The following CPLANE1 variants were observed in gnomAD, a reference collection of about 807,000 sequenced individuals.
CPLANE1 encodes ciliogenesis and planar polarity effector complex subunit 1.
A neutral mutation model predicts 362.5 loss-of-function variants in CPLANE1; 263 were observed. The ratio of observed to expected loss-of-function variants is 0.73; its 90% CI spans 0.66 to 0.80. The LOEUF is 0.80. Ranked by LOEUF, CPLANE1 falls within the 30% of genes least tolerant of loss-of-function variation. CPLANE1 has a pLI of 0.00. For missense variants in CPLANE1, 3,461 were observed against 3,793.4 expected, an observed-to-expected ratio of 0.91 and a Z score of 2.30; for synonymous variants, 1,212 against 1,302.6, an observed-to-expected ratio of 0.93 and a Z score of 1.50.
chr5:37,145,918 T>C (rs1238687315), intron 43 of CPLANE1, among the ~76,000 whole-genome samples: 1 of 152,106 alleles, frequency 6.6e-6, no homozygotes, highest in Non-Finnish European at 1.5e-5. Context: ...AAATACAACA[T>C]AATCAAACAG....
At chr5:37,214,713 A>C (rs1793557749) in intron 15 of CPLANE1, among the ~76,000 whole-genome samples, 1 of 152,254 alleles carries the variant, frequency 6.6e-6, no homozygotes, top group Admixed American at 6.5e-5. Context: ...TCATCTCTGC[A>C]TGAGCAGTTC....
Position 37,169,303 on chromosome 5 carries a change from A to G in CPLANE1, c.6721T>C (p.Leu2241=). The G allele has an allele frequency of 6.2e-7, 1 of 1,614,192 alleles. No individual in the cohort carries two copies. Residue 2241 remains leucine (L), a synonymous_variant, in exon 34 of 53, where the codon TTA becomes CTA. Transcript: ENST00000651892. ...KSKQEFQPLF[L]HTGSIPQVPF... Reference sequence around the variant, plus strand: ...ACTTGTGGAATACTTCCTGTATGTAAGAAAAGGGGCTGGAATTCTTGTTTA... The same window carrying G: ...ACTTGTGGAATACTTCCTGTATGTAGGAAAAGGGGCTGGAATTCTTGTTTA...
the CPLANE1 span, among the ~76,000 whole-genome samples, chr5:37,080,461 CATA>C: frequency 2.6e-5 from 4 of 152,280 alleles, no homozygotes; most frequent in East Asian, 7.7e-4. Flanking sequence ...AACACTTTTT[CATA>C]ATAACTCAAA....
At chr5:37,164,189 G>T in intron 37 of CPLANE1, 84 bp downstream of exon 37, 1 of 1,026,120 alleles carries the variant, frequency 9.7e-7, no homozygotes, top group South Asian at 1.4e-5. Context: ...AATGTAGGTA[G>T]CCTCATTTTC....
Position 37,108,482 on chromosome 5 carries a change from A to G in CPLANE1, c.9401-11T>C. The G allele has an allele frequency of 6.2e-7, 1 of 1,606,040 alleles. No homozygotes were observed. The highest frequency in any genetic ancestry group is 8.5e-7 in the Non-Finnish European group (1 of 1,177,134). ...ACGGAGCATTAGAGCCTTTTAAGGG[A>G]TAAGAACAAAGCACACATTGGGATT... On this transcript the variant is annotated splice_polypyrimidine_tract_variant and intron_variant, in intron 51 of 52. Transcript: ENST00000651892.
rs1280410795 is a variant in CPLANE1 at position 37,245,706 on chromosome 5, T to C, written c.217+4A>G. On this transcript the variant is annotated splice_donor_region_variant and intron_variant, in intron 3 of 52. Coordinates refer to ENST00000651892, the MANE Select transcript of CPLANE1 (RefSeq NM_001384732.1). ...GCCATTTGAAAATATCAGTACTACT[T>C]AACCATTACTGGATGTTGTTAGGAC... 7 of 1,506,766 alleles carry C rather than the reference T, an allele frequency of 4.6e-6. No individual in the cohort carries two copies. The highest frequency in any genetic ancestry group is 5.3e-6 in the Non-Finnish European group (6 of 1,130,058). The allele number at this position is 1,506,766 out of a possible 1,614,324, so 93.3% of individuals were successfully genotyped here.
At chr5:37,126,811 C>T (rs1411585159) in intron 46 of CPLANE1, among the ~76,000 whole-genome samples, 3 of 152,076 alleles carry the variant, frequency 2.0e-5, no homozygotes, top group Non-Finnish European at 4.4e-5. Context: ...AAATAGCAAA[C>T]CTCCATCTCC....
chr5:37,168,901 T>C lies in CPLANE1; in HGVS notation c.7123A>G (p.Thr2375Ala), dbSNP rs779388665. 3 of 1,614,148 alleles carry C rather than the reference T, an allele frequency of 1.9e-6. No homozygotes were observed. Among genetic ancestry groups the C allele is most frequent in the Non-Finnish European group, 2.5e-6 (3 of 1,180,022 alleles). Residue 2375 changes from threonine (T) to alanine (A), a missense_variant, in exon 34 of 53, where the codon ACC becomes GCC. Thr to Ala is a moderately conservative substitution (Grantham distance 58). Coordinates refer to ENST00000651892, the MANE Select transcript of CPLANE1 (RefSeq NM_001384732.1). Reference sequence around the variant, plus strand: ...GGAACTGTAATAGATGCTCTTGAGGTTGATGGAAACATATTAGGAGGTTTA... The same window carrying C: ...GGAACTGTAATAGATGCTCTTGAGGCTGATGGAAACATATTAGGAGGTTTA... ...PLKPPNMFPS[T>A]SRASITVPST...
intron 17 of CPLANE1, among the ~76,000 whole-genome samples, 177 bp from the exon 18 acceptor site, chr5:37,205,631 T>C (rs921572285): frequency 2.6e-5 from 4 of 152,256 alleles, no homozygotes; most frequent in Non-Finnish European, 5.9e-5. Context: ...TCCACGATTA[T>C]GATCCTAATA....
intron 8 of CPLANE1, among the ~76,000 whole-genome samples, 172 bp downstream of exon 8, chr5:37,238,685 G>A (rs1311248255): frequency 6.6e-6 from 1 of 151,416 alleles, no homozygotes; most frequent in African/African-American, 2.4e-5. Flanking sequence ...TTTTAGTAAA[G>A]ATGAGGTCTC....
chr5:37,209,970 T>C lies in CPLANE1; in HGVS notation c.2921-3545A>G. The C allele has an allele frequency of 9.8e-7, 1 of 1,022,912 alleles. No homozygotes were observed. Among genetic ancestry groups the C allele is most frequent in the East Asian group, 2.4e-5 (1 of 42,228 alleles). 63.4% of individuals were successfully genotyped at this position (1,022,912 alleles called of 1,614,324 possible). On this transcript the variant is annotated intron_variant, in intron 16 of 52. Transcript: ENST00000651892. This position sits in a 1 kb window ranked among gnomAD's most constrained non-coding sequence, Gnocchi z 4.6. Reference sequence around the variant, plus strand: ...GTCTTTAGAAATAAAGCTAAATGAATATAAGAGAGAAATAGAAGAGCAACT... The same window carrying C: ...GTCTTTAGAAATAAAGCTAAATGAACATAAGAGAGAAATAGAAGAGCAACT...
At chr5:37,244,630 A>C (rs1426858962) in intron 4 of CPLANE1, 23 bp from the exon 5 acceptor site, 2 of 1,417,272 alleles carry the variant, frequency 1.4e-6, no homozygotes, top group African/African-American at 2.9e-5. Flanking sequence ...CAAAAAAAGT[A>C]ATTAAGCCTC....
chr5:37,121,879 TG>T, intron 48 of CPLANE1, 95 bp from the exon 49 acceptor site: 4 of 1,031,814 alleles, frequency 3.9e-6, no homozygotes, highest in Admixed American at 2.6e-5. Context: ...TAGCATGTTC[TG>T]GTTTTTTTTT....
At chr5:37,086,566 T>C in the CPLANE1 span, among the ~76,000 whole-genome samples, 1 of 152,226 alleles carries the variant, frequency 6.6e-6, no homozygotes, top group East Asian at 1.9e-4. Flanking sequence ...AAATAGCTTG[T>C]TTACTCATGT....
intron 50 of CPLANE1, among the ~76,000 whole-genome samples, chr5:37,119,003 C>T (rs191880417): frequency 1.2e-3 from 184 of 152,226 alleles, no homozygotes; most frequent in African/African-American, 4.2e-3. Context: ...TGAGCCACCG[C>T]GCCGGGCCTA....
At chr5:37,191,036 G>A (rs939121969) in intron 21 of CPLANE1, among the ~76,000 whole-genome samples, 37 of 152,148 alleles carry the variant, frequency 2.4e-4, no homozygotes, top group Non-Finnish European at 7.3e-5. Flanking sequence ...TATTCTAGAA[G>A]AAGGCATTGT....
At chr5:37,233,836 C>A (rs1449560229) in intron 8 of CPLANE1, among the ~76,000 whole-genome samples, 1 of 152,106 alleles carries the variant, frequency 6.6e-6, no homozygotes, top group East Asian at 1.9e-4. Context: ...TAAAAACAGG[C>A]ACACTCACCC....
chr5:37,207,176 TA>T (rs1432707210), intron 16 of CPLANE1, among the ~76,000 whole-genome samples: 2 of 152,200 alleles, frequency 1.3e-5, no homozygotes, highest in Non-Finnish European at 2.9e-5. Flanking sequence ...GAAATGTTAT[TA>T]AAAAATACAT....
At chr5:37,119,845 G>T (rs1368316578) in intron 50 of CPLANE1, among the ~76,000 whole-genome samples, 1 of 151,516 alleles carries the variant, frequency 6.6e-6, no homozygotes, top group Non-Finnish European at 1.5e-5. Flanking sequence ...AAATTAGCCG[G>T]GCGTGGTGGT....
Sources: gnomAD v4.1 joint callset for allele counts (sites outside exome capture counted in the v4.1 genomes callset) on GRCh38, gnomAD v4.1.1 for gene constraint, Gnocchi (gnomAD v3.1) non-coding constraint, MANE v1.5 for transcripts, NCBI Gene and HGNC (gene_info 2026-07-23, HGNC 2026-07-21) for gene names.